The following LRMDA variants were observed in gnomAD, a reference collection of about 807,000 sequenced individuals.
LRMDA encodes leucine-rich melanocyte differentiation-associated protein.
LRMDA carries 18 observed loss-of-function variants against 29.8 expected under a neutral mutation model. That is an observed-to-expected ratio of 0.60 (90% confidence interval 0.42 to 0.90). The LOEUF (loss-of-function observed/expected upper bound fraction) is 0.90. Ranked by LOEUF, LRMDA falls within the 40% of genes least tolerant of loss-of-function variation. The pLI is 0.00. For synonymous variants in LRMDA, 125 were observed against 109.4 expected, an observed-to-expected ratio of 1.14 and a Z score of -0.89; for missense variants, 273 against 273.9, an observed-to-expected ratio of 1.00 and a Z score of 0.02.
In LRMDA at chr10:76,047,319, T is replaced by C. The variant is rs1331394154; in HGVS notation, c.398+16T>C. On this transcript the variant is annotated intron_variant, in intron 4 of 6. Transcript: ENST00000611255. The stretch of plus-strand genomic sequence containing the variant: ...AGAGATACAGGTGAGTGTCCAGGGG[T>C]TGGACCATGGTGGGAAAAGGGAAAA... The C allele has an allele frequency of 5.7e-6, 9 of 1,592,558 alleles. No individual in the cohort carries two copies. The highest frequency in any genetic ancestry group is 6.8e-6 in the Non-Finnish European group (8 of 1,170,948).
chr10:76,276,042 T>C (rs1474150951), intron 5 of LRMDA, among the ~76,000 whole-genome samples: 4 of 148,872 alleles, frequency 2.7e-5, no homozygotes, highest in African/African-American at 1.0e-4. Flanking sequence ...TCTATCTATC[T>C]ATCTATCTAT....
At chr10:76,504,520 A>G (rs1003049875) in intron 6 of LRMDA, among the ~76,000 whole-genome samples, 3 of 152,086 alleles carry the variant, frequency 2.0e-5, no homozygotes, top group African/African-American at 7.2e-5. Context: ...TATGTTTATG[A>G]TAGTTAAATC....
intron 2 of LRMDA, among the ~76,000 whole-genome samples, chr10:75,467,395 T>C (rs1394858899): frequency 1.2e-4 from 19 of 152,354 alleles, no homozygotes; most frequent in East Asian, 1.9e-4. Flanking sequence ...GAGCACACAC[T>C]GAGTGTCTAA....
chr10:76,462,361 A>G (rs1202185025), intron 6 of LRMDA, among the ~76,000 whole-genome samples: 1 of 152,176 alleles, frequency 6.6e-6, no homozygotes, highest in Non-Finnish European at 1.5e-5. Flanking sequence ...AAAAAAACAG[A>G]TAAGTAGAAT....
chr10:76,392,920 A>G (rs969798083), intron 6 of LRMDA, among the ~76,000 whole-genome samples: 1 of 152,098 alleles, frequency 6.6e-6, no homozygotes, highest in Non-Finnish European at 1.5e-5. Flanking sequence ...GGATCCACAT[A>G]TAAGTGAGAT....
chr10:76,146,267 A>T (rs1403326504), intron 5 of LRMDA, among the ~76,000 whole-genome samples: 2 of 151,870 alleles, frequency 1.3e-5, no homozygotes, highest in Non-Finnish European at 2.9e-5. Context: ...TGTCTCGTTG[A>T]TCTGTCTAAT....
At chr10:75,632,782 G>GTTTTTTTTTTTTTTTT (rs386371855) in intron 2 of LRMDA, among the ~76,000 whole-genome samples, 5 of 43,256 alleles carry the variant, frequency 1.2e-4, no homozygotes, top group Non-Finnish European at 1.8e-4. Context: ...GTTTAGTTTA[G>GTTTTTTTTTTTTTTTT]TTTTTTTTTT....
At chr10:76,045,286 A>G (rs540128653) in intron 3 of LRMDA, among the ~76,000 whole-genome samples, 1 of 105,954 alleles carries the variant, frequency 9.4e-6, no homozygotes, top group East Asian at 2.9e-4. Context: ...CTCTCTGGTT[A>G]GTTTCCCTCT....
chr10:75,548,473 G>A (rs1020896943), intron 2 of LRMDA, among the ~76,000 whole-genome samples: 3 of 152,128 alleles, frequency 2.0e-5, no homozygotes, highest in African/African-American at 7.2e-5. Context: ...GTAGGACCCA[G>A]CCTAGGCCTC....
intron 6 of LRMDA, among the ~76,000 whole-genome samples, chr10:76,427,966 G>A (rs1842147093): frequency 6.6e-6 from 1 of 152,172 alleles, no homozygotes; most frequent in African/African-American, 2.4e-5. Flanking sequence ...AGTTGATCAT[G>A]GTGGATACGC....
chr10:76,169,510 G>C (rs868329149), intron 5 of LRMDA, among the ~76,000 whole-genome samples: 2 of 152,070 alleles, frequency 1.3e-5, no homozygotes, highest in African/African-American at 2.4e-5. Flanking sequence ...AGGGCTGATG[G>C]TTAAATCACT....
intron 6 of LRMDA, among the ~76,000 whole-genome samples, chr10:76,524,663 C>T (rs886878714): frequency 1.3e-5 from 2 of 152,192 alleles, no homozygotes; most frequent in South Asian, 2.1e-4. Flanking sequence ...CTTCGAATAA[C>T]CATGTGTTCT....
chr10:76,092,949 G>C (rs1302737301), intron 5 of LRMDA, among the ~76,000 whole-genome samples: 1 of 152,124 alleles, frequency 6.6e-6, no homozygotes, highest in African/African-American at 2.4e-5. Flanking sequence ...CCATAAAATG[G>C]AACTCAGGTA....
intron 5 of LRMDA, among the ~76,000 whole-genome samples, chr10:76,194,869 T>TA (rs1174227385): frequency 2.6e-5 from 4 of 152,206 alleles, no homozygotes; most frequent in African/African-American, 9.6e-5. Flanking sequence ...CTCAAGCCTT[T>TA]AATGTTCCAA....
In LRMDA at chr10:76,136,189, G is replaced by A. The variant is rs572776864; in HGVS notation, c.516+77406G>A. Among the ~76,000 whole-genome samples the A allele has an allele frequency of 6.6e-5, 10 of 152,300 alleles. No homozygotes were observed. The South Asian group carries it at 2.1e-3, about 32-fold the overall frequency. ...AATTTACTAATTTACAATTTATGAA[G>A]TCAATGAACTCCAGAGGGACACAAA... On this transcript the variant is annotated intron_variant, in intron 5 of 6. Transcript: ENST00000611255.
intron 2 of LRMDA, among the ~76,000 whole-genome samples, chr10:75,639,602 C>T (rs879667296): frequency 2.6e-5 from 4 of 152,314 alleles, no homozygotes; most frequent in African/African-American, 2.4e-5. Flanking sequence ...TTCAGCCATG[C>T]GGCTTGGCGT....
At chr10:76,227,217 T>C (rs907625311) in intron 5 of LRMDA, among the ~76,000 whole-genome samples, 3 of 152,220 alleles carry the variant, frequency 2.0e-5, no homozygotes, top group African/African-American at 7.2e-5. Flanking sequence ...GTTTACTGTG[T>C]TCCTCCTTGG....
chr10:75,992,420 C>T (rs1011645051), intron 2 of LRMDA, among the ~76,000 whole-genome samples: 2 of 152,100 alleles, frequency 1.3e-5, no homozygotes, highest in Non-Finnish European at 2.9e-5. Context: ...ACAGAGTTTC[C>T]CTATTTCTGT....
At chr10:75,631,534 C>T (rs1841323672) in intron 2 of LRMDA, among the ~76,000 whole-genome samples, 1 of 152,068 alleles carries the variant, frequency 6.6e-6, no homozygotes, top group South Asian at 2.1e-4. Context: ...GAAATACCCT[C>T]ACGTCCTTTG....
Sources: allele counts gnomAD v4.1 joint callset (sites outside exome capture counted in the v4.1 genomes callset), GRCh38; gene constraint gnomAD v4.1.1; transcripts MANE v1.5; gene names NCBI Gene and HGNC (gene_info 2026-07-23, HGNC 2026-07-21).